EFCAB5: variants seen among roughly 807,000 people sequenced by gnomAD.
The protein encoded by EFCAB5 is EF-hand calcium binding domain 5, also known as EF-hand calcium-binding domain-containing protein 5.
Under a neutral mutation model 167.9 loss-of-function variants are expected in EFCAB5, and 131 were observed. The ratio of observed to expected loss-of-function variants is 0.78; its 90% CI spans 0.68 to 0.90. The LOEUF is 0.90. Ranked by LOEUF, EFCAB5 falls within the 40% of genes least tolerant of loss-of-function variation. The pLI is 0.00. For synonymous variants in EFCAB5, 574 were observed against 602.8 expected, an observed-to-expected ratio of 0.95 and a Z score of 0.70; for missense variants, 1,663 against 1,745.2, an observed-to-expected ratio of 0.95 and a Z score of 0.84.
At chr17:30,080,354 A>G in intron 16 of EFCAB5, 113 bp downstream of exon 16, 1 of 1,157,266 alleles carries the variant, frequency 8.6e-7, no homozygotes, top group Non-Finnish European at 1.2e-6. Flanking sequence ...GCCTCAAGTC[A>G]CCAGTGCTTC....
chr17:30,069,665 T>G, intron 14 of EFCAB5: 1 of 1,503,372 alleles, frequency 6.7e-7, no homozygotes, highest in African/African-American at 1.4e-5. Context: ...CACGAGAGTC[T>G]GCATGGGCGC....
chr17:29,966,457 T>G (rs1326376492), intron 3 of EFCAB5, among the ~76,000 whole-genome samples: 8 of 152,080 alleles, frequency 5.3e-5, no homozygotes, highest in Non-Finnish European at 8.8e-5. Context: ...ATAGTAAGAC[T>G]TTGTCTTTAT....
chr17:30,005,923 A>G (rs986174474), intron 7 of EFCAB5, among the ~76,000 whole-genome samples: 1 of 152,226 alleles, frequency 6.6e-6, no homozygotes, highest in African/African-American at 2.4e-5. Context: ...TCCAAGTTTT[A>G]GACAGAGCCT....
intron 14 of EFCAB5, chr17:30,073,587 G>T (rs540953273): frequency 1.5e-6 from 1 of 658,668 alleles, no homozygotes; most frequent in African/African-American, 1.8e-5. Flanking sequence ...ACCTCAGCAT[G>T]CATATCATTC....
Position 29,995,940 on chromosome 17 carries a change from A to T in EFCAB5, c.925-372A>T, listed in dbSNP as rs141704959. On this transcript the variant is annotated intron_variant, in intron 5 of 22. Transcript: ENST00000394835. ...CCCGCCAAGCTTCACCATAAATTTA[A>T]TGTTTTTGCTTCAATTTTAGCAGAA... 3.7e-3 allele frequency among the ~76,000 whole-genome samples: 566 copies of T among 152,274 alleles called. 5 individuals are homozygous for T. The highest frequency in any genetic ancestry group is 4.2e-3 in the Non-Finnish European group (289 of 68,026).
intron 7 of EFCAB5, among the ~76,000 whole-genome samples, chr17:30,024,758 G>C (rs976847426): frequency 1.3e-5 from 2 of 152,142 alleles, no homozygotes; most frequent in Admixed American, 6.6e-5. Context: ...AAAGCTGGAG[G>C]CATCATGCTA....
chr17:29,991,848 C>A (rs1479035236), intron 4 of EFCAB5, among the ~76,000 whole-genome samples: 1 of 152,172 alleles, frequency 6.6e-6, no homozygotes, highest in East Asian at 1.9e-4. Context: ...CTTGCCTTTT[C>A]AGTATATATA....
At chr17:30,098,127 G>A (rs577638988) in intron 22 of EFCAB5, among the ~76,000 whole-genome samples, 19 of 151,906 alleles carry the variant, frequency 1.3e-4, no homozygotes, top group African/African-American at 4.1e-4. Flanking sequence ...TAGAGGTGGG[G>A]GTCTCACTAT....
At chr17:29,930,935 CTT>C (rs2067184653) in intron 1 of EFCAB5, among the ~76,000 whole-genome samples, 2 of 152,178 alleles carry the variant, frequency 1.3e-5, no homozygotes, top group South Asian at 2.1e-4. Context: ...TGAAGACAGT[CTT>C]TTAATTAAAC....
At chr17:30,013,588 A>G (rs2068959226) in intron 7 of EFCAB5, among the ~76,000 whole-genome samples, 1 of 152,152 alleles carries the variant, frequency 6.6e-6, no homozygotes, top group African/African-American at 2.4e-5. Context: ...GTTTATTTGC[A>G]TAGAGGTGTT....
chr17:29,992,793 T>G (rs776938094), intron 4 of EFCAB5, among the ~76,000 whole-genome samples: 45 of 152,242 alleles, frequency 3.0e-4, no homozygotes, highest in Non-Finnish European at 6.5e-4. Context: ...TCAGATCTTT[T>G]GGGTAAATAT....
At chr17:30,030,180 G>A (rs1194016996) in intron 7 of EFCAB5, among the ~76,000 whole-genome samples, 2 of 152,094 alleles carry the variant, frequency 1.3e-5, no homozygotes, top group African/African-American at 4.8e-5. Context: ...AGTTGATATC[G>A]CCAACTGTTA....
chr17:30,009,235 T>G (rs559302959), intron 7 of EFCAB5, among the ~76,000 whole-genome samples: 3 of 152,340 alleles, frequency 2.0e-5, no homozygotes, highest in South Asian at 4.1e-4. Flanking sequence ...TCGAGAGCCA[T>G]TATCCAACCT....
intron 4 of EFCAB5, among the ~76,000 whole-genome samples, chr17:29,979,089 C>T (rs888696352): frequency 5.9e-5 from 9 of 152,070 alleles, no homozygotes; most frequent in Non-Finnish European, 1.2e-4. Flanking sequence ...CGGTGGCTCA[C>T]GCCTGTAATC....
intron 4 of EFCAB5, among the ~76,000 whole-genome samples, chr17:29,970,199 C>A (rs1455611609): frequency 2.0e-5 from 3 of 152,082 alleles, no homozygotes; most frequent in Non-Finnish European, 2.9e-5. Context: ...TCTATCTTTG[C>A]CCCACTGGTT....
At chr17:30,051,585 T>C (rs2070098684) in intron 9 of EFCAB5, among the ~76,000 whole-genome samples, 1 of 152,182 alleles carries the variant, frequency 6.6e-6, no homozygotes, top group Non-Finnish European at 1.5e-5. Context: ...TTTTTGAGTC[T>C]TACTCTTCTC....
chr17:29,968,493 G>A, intron 3 of EFCAB5: 1 of 355,600 alleles, frequency 2.8e-6, no homozygotes, highest in Non-Finnish European at 5.3e-6. Flanking sequence ...AGTGATGGCT[G>A]GAGCTCTAAT....
intron 19 of EFCAB5, among the ~76,000 whole-genome samples, chr17:30,090,190 G>A (rs2071166892): frequency 6.6e-6 from 1 of 152,194 alleles, no homozygotes; most frequent in African/African-American, 2.4e-5. Flanking sequence ...TTGAGATTGG[G>A]TGGTCAGGGA....
chr17:30,054,376 T>C (rs1008365221), intron 10 of EFCAB5, among the ~76,000 whole-genome samples: 6 of 152,222 alleles, frequency 3.9e-5, no homozygotes, highest in Non-Finnish European at 7.3e-5. Flanking sequence ...TCAATTTACA[T>C]ATAATTTCCA....
Sources: gnomAD v4.1 joint callset for allele counts (sites outside exome capture counted in the v4.1 genomes callset) on GRCh38, gnomAD v4.1.1 for gene constraint, MANE v1.5 for transcripts, NCBI Gene and HGNC (gene_info 2026-07-23, HGNC 2026-07-21) for gene names.